EMILIN1: variants seen among roughly 807,000 people sequenced by gnomAD.
The protein encoded by EMILIN1 is elastin microfibril interfacer 1.
Under a neutral mutation model 82.4 loss-of-function variants are expected in EMILIN1, and 49 were observed. That is an observed-to-expected ratio of 0.59 (90% CI 0.47 to 0.75). The LOEUF (loss-of-function observed/expected upper bound fraction) is 0.75. EMILIN1 is among the 30% of genes least tolerant of loss of function. EMILIN1 has a pLI of 0.00. For missense variants in EMILIN1, 1,313 were observed against 1,366.4 expected (o/e 0.96, Z 0.62); for synonymous variants, 604 against 602.2 (o/e 1.00, Z -0.04).
At position 27,085,197 on chromosome 2, in the gene EMILIN1, G is replaced by A. The variant is rs1407466196; in HGVS notation, c.2613G>A (p.Val871=). ...CACCAGCAGCCCCTGTGCCCCAAGT[G>A]GCATTTTCAGCTGCTCTGAGTTTGC... ...EGAPAAPVPQ[V]AFSAALSLPR... Residue 871 remains valine, a synonymous_variant, in exon 7 of 8, where the codon GTG becomes GTA. Coordinates refer to ENST00000380320, the MANE Select transcript of EMILIN1 (RefSeq NM_007046.4). 6.2e-7 allele frequency: 1 copy of A among 1,614,186 alleles called. No homozygotes were observed. Among genetic ancestry groups the A allele is most frequent in the Non-Finnish European group, 8.5e-7 (1 of 1,180,036 alleles).
Position 27,085,741 on chromosome 2 carries a change from A to G in EMILIN1, c.2777A>G (p.His926Arg). The G allele has an allele frequency of 1.9e-6, 3 of 1,610,780 alleles. No homozygotes were observed. The highest frequency in any genetic ancestry group is 2.2e-5 in the East Asian group (1 of 44,786). ...LLSAVLTGHR[H>R]EKVEAVLSRS... ...AGCGCGGTGCTGACTGGGCACCGGC[A>G]CGAGAAAGTGGAGGCCGTGCTGTCC... Residue 926 changes from histidine to arginine, a missense_variant, in exon 8 of 8, where the codon CAC (histidine) becomes CGC (arginine). His to Arg is a conservative substitution (Grantham distance 29). Transcript: ENST00000380320.
At chr2:27,079,884 G>C (rs908722699) in intron 1 of EMILIN1, among the ~76,000 whole-genome samples, 2 of 152,214 alleles carry the variant, frequency 1.3e-5, no homozygotes, top group African/African-American at 2.4e-5. Flanking sequence ...ACATTCAGAG[G>C]CTCCCCGGGA....
Position 27,085,415 on chromosome 2 carries a change from C to CCCGG in EMILIN1, c.2713+120_2713+123dup, listed in dbSNP as rs1669589306. On this transcript the variant is annotated intron_variant, in intron 7 of 7. Transcript: ENST00000380320. ...TCTTCATTCTCTGATTTGGGGAGACCCCGGCTCTTTCTTCATTTATTCATT... is the reference window on the plus strand; with the variant it reads ...TCTTCATTCTCTGATTTGGGGAGACCCCGGCCGGCTCTTTCTTCATTTATTCATT... 11 of 1,286,544 alleles carry CCCGG rather than the reference C, an allele frequency of 8.6e-6. No homozygotes were observed. The Middle Eastern group carries it at 1.2e-3, about 144-fold the overall frequency. The allele number at this position is 1,286,544 out of a possible 1,614,324, so 79.7% of individuals were successfully genotyped here.
chr2:27,084,941 C>G, intron 5 of EMILIN1, 50 bp from the exon 6 acceptor site: 1 of 1,587,660 alleles, frequency 6.3e-7, no homozygotes, highest in Non-Finnish European at 8.7e-7. Flanking sequence ...TGCTGAGTGA[C>G]TTAGTGAGAG....
At position 27,078,959 on chromosome 2, in the gene EMILIN1, G is replaced by T. The variant is rs766952369; in HGVS notation, c.-107G>T. ...CTATCAGAAGGAAACTGGGACGGAC[G>T]GGCCGGGCTCGGGCTGTCCTGTGGA... On this transcript the variant is annotated 5_prime_UTR_variant, in exon 1 of 8. Transcript: ENST00000380320. The T allele has an allele frequency of 1.9e-5, 16 of 860,610 alleles. No homozygotes were observed. The highest frequency in any genetic ancestry group is 1.8e-5 in the Non-Finnish European group (11 of 597,294). The allele number at this position is 860,610 out of a possible 1,614,324, so 53.3% of individuals were successfully genotyped here.
At position 27,079,139 on chromosome 2, in the gene EMILIN1, C is replaced by A; in HGVS notation, c.74C>A (p.Pro25His). Residue 25 changes from proline to histidine, a missense_variant, in exon 1 of 8, where the codon CCT (proline) becomes CAT (histidine). Transcript: ENST00000380320. The stretch of plus-strand genomic sequence containing the variant: ...GCAGCTGCAGGGGCCGCCAGCTACC[C>A]TCCTCGAGGTTTCAGCCTCTACACA... Reference protein sequence around the residue: ...LTAAAGAASYPPRGFSLYTGS... With the variant: ...LTAAAGAASYHPRGFSLYTGS... 6.2e-7 allele frequency: 1 copy of A among 1,604,380 alleles called. No individual in the cohort carries two copies. Among genetic ancestry groups the A allele is most frequent in the Non-Finnish European group, 8.5e-7 (1 of 1,175,814 alleles).
rs745574693 is a variant in EMILIN1, at chr2:27,082,421, C to T, written c.850C>T (p.Pro284Ser). ...SRAPAPASAP[P>S]GPSEELLRQL... ...GGCCCCAGCCCCAGCCTCAGCCCCT[C>T]CGGGCCCCAGTGAGGAGCTGCTGCG... Residue 284 changes from proline (P) to serine (S), a missense_variant, in exon 4 of 8, where the codon CCG (proline) becomes TCG (serine). Pro to Ser is a moderately conservative substitution (Grantham distance 74). Coordinates refer to ENST00000380320, the MANE Select transcript of EMILIN1 (RefSeq NM_007046.4). 1.9e-6 allele frequency: 3 copies of T among 1,603,490 alleles called. No homozygotes were observed. The African/African-American group carries it at 4.0e-5, about 21-fold the overall frequency.
chr2:27,083,975 G>A lies in EMILIN1; in HGVS notation c.2404G>A (p.Asp802Asn). Residue 802 changes from aspartate to asparagine, a missense_variant, in exon 4 of 8, where the codon GAC (aspartate) becomes AAC (asparagine). Physicochemically the swap from Asp to Asn is conservative, Grantham distance 23. Coordinates refer to ENST00000380320, the MANE Select transcript of EMILIN1 (RefSeq NM_007046.4). ...ALNSSLQLLE[D>N]RLHQLSLKDL... is the part of the protein sequence containing the mutation. ...TAACAGCTCCCTGCAGCTCCTGGAG[G>A]ACCGTCTGCACCAGCTCAGCCTGAA... 10 of 1,547,484 alleles carry A rather than the reference G, an allele frequency of 6.5e-6. No homozygotes were observed. The highest frequency in any genetic ancestry group is 8.7e-6 in the Non-Finnish European group (10 of 1,142,946).
In EMILIN1 at chr2:27,079,058, GC is replaced by G; in HGVS notation, c.-4del. ...GAGTCTCTGAGGGCCACTGTGGAGCGCCCCGCCATGGCCCCCCGCACCCTCT... is the reference window on the plus strand; with the variant it reads ...GAGTCTCTGAGGGCCACTGTGGAGCGCCCGCCATGGCCCCCCGCACCCTCT... On this transcript the variant is annotated 5_prime_UTR_variant, in exon 1 of 8. Coordinates refer to ENST00000380320, the MANE Select transcript of EMILIN1 (RefSeq NM_007046.4). 6.5e-7 allele frequency: 1 copy of G among 1,543,356 alleles called. No individual in the cohort carries two copies.
In EMILIN1 at chr2:27,082,286, G is replaced by A. The variant is rs1357990445; in HGVS notation, c.715G>A (p.Glu239Lys). The A allele has an allele frequency of 8.7e-6, 14 of 1,613,210 alleles. No homozygotes were observed. Among genetic ancestry groups the A allele is most frequent in the Non-Finnish European group, 1.2e-5 (14 of 1,179,952 alleles). The change falls in exon 4 of 8, where the codon GAG becomes AAG. Residue 239 changes from glutamate (E) to lysine (K), a missense_variant. Transcript: ENST00000380320. The part of the protein sequence containing the change: ...ARPGVHETLN[E>K]IQHQLQLLDT... ...CCCTGGGGTGCATGAAACCCTCAAT[G>A]AGATCCAGCACCAGCTGCAGCTCCT...
chr2:27,080,895 C>A lies in EMILIN1; in HGVS notation c.454C>A (p.Arg152Ser), dbSNP rs1221738236. ...STPRPLARPA[R>S]PNLSGSSAGS... is the part of the protein sequence containing the mutation. ...ACCACGGCCCCTGGCCCGGCCTGCC[C>A]GCCCCAACCTCTCTGGCTCCAGTGC... Residue 152 changes from arginine to serine, a missense_variant, in exon 3 of 8, where the codon CGC becomes AGC. Arg to Ser is a moderately radical substitution (Grantham distance 110). Transcript: ENST00000380320. 1 of 1,607,272 alleles carries A rather than the reference C, an allele frequency of 6.2e-7. No individual in the cohort carries two copies. The highest frequency in any genetic ancestry group is 8.5e-7 in the Non-Finnish European group (1 of 1,177,238).
At chr2:27,080,698 G>A in intron 2 of EMILIN1, 34 bp from the exon 3 acceptor site, 1 of 1,568,088 alleles carries the variant, frequency 6.4e-7, no homozygotes, top group South Asian at 1.2e-5. Flanking sequence ...ACCGTACAGG[G>A]AGGAATAAAG....
Position 27,085,737 on chromosome 2 carries a change from C to T in EMILIN1, c.2773C>T (p.Arg925Trp). The T allele has an allele frequency of 2.5e-6, 4 of 1,610,346 alleles. No individual in the cohort carries two copies. Among genetic ancestry groups the T allele is most frequent in the South Asian group, 1.1e-5 (1 of 91,026 alleles). ...GCTGAGCGCGGTGCTGACTGGGCACCGGCACGAGAAAGTGGAGGCCGTGCT... is the reference window on the plus strand; with the variant it reads ...GCTGAGCGCGGTGCTGACTGGGCACTGGCACGAGAAAGTGGAGGCCGTGCT... ...YLLSAVLTGH[R>W]HEKVEAVLSR... Residue 925 changes from arginine (R) to tryptophan (W), a missense_variant, in exon 8 of 8, where the codon CGG (arginine) becomes TGG (tryptophan). Arg to Trp is a moderately radical substitution (Grantham distance 101, BLOSUM62 -3). Transcript: ENST00000380320.
At position 27,083,098 on chromosome 2, in the gene EMILIN1, G is replaced by T; in HGVS notation, c.1527G>T (p.Gly509=). 6.4e-7 allele frequency: 1 copy of T among 1,561,304 alleles called. No homozygotes were observed. Among genetic ancestry groups the T allele is most frequent in the South Asian group, 1.2e-5 (1 of 82,392 alleles). ...AGCGCAGGGTGCTGGACAGTGAGGGGCAGCTGCGGCTGGTGGGCTCCGGCC... is the reference window on the plus strand; with the variant it reads ...AGCGCAGGGTGCTGGACAGTGAGGGTCAGCTGCGGCTGGTGGGCTCCGGCC... ...ALERRVLDSE[G]QLRLVGSGLH... The change falls in exon 4 of 8, where the codon GGG becomes GGT. Residue 509 remains glycine, a synonymous_variant. Transcript: ENST00000380320.
Position 27,082,898 on chromosome 2 carries a change from C to T in EMILIN1, c.1327C>T (p.Arg443Trp), listed in dbSNP as rs763045645. Residue 443 changes from arginine (R) to tryptophan (W), a missense_variant, in exon 4 of 8, where the codon CGG becomes TGG. Coordinates refer to ENST00000380320, the MANE Select transcript of EMILIN1 (RefSeq NM_007046.4). ...GGLSHWLPAA[R>W]GRLEQLGGLL... ...GCTGAGCCACTGGCTGCCTGCTGCC[C>T]GGGGCCGACTAGAGCAGTTGGGGGG... 1.6e-5 allele frequency: 25 copies of T among 1,595,382 alleles called. No individual in the cohort carries two copies. The highest frequency in any genetic ancestry group is 4.5e-5 in the East Asian group (2 of 44,650).
In EMILIN1 at chr2:27,082,638, C is replaced by T; in HGVS notation, c.1067C>T (p.Pro356Leu). Residue 356 changes from proline to leucine, a missense_variant, in exon 4 of 8, where the codon CCA (proline) becomes CTA (leucine). Coordinates refer to ENST00000380320, the MANE Select transcript of EMILIN1 (RefSeq NM_007046.4). ...AGGCCCCCTCAGGAATGCTGCTCTCCAGAGCTGGGCCGGCGACTGGCAGAG... is the reference window on the plus strand; with the variant it reads ...AGGCCCCCTCAGGAATGCTGCTCTCTAGAGCTGGGCCGGCGACTGGCAGAG... ...GRRPPQECCSPELGRRLAELE... is the reference protein window; with the variant it reads ...GRRPPQECCSLELGRRLAELE... 1.3e-6 allele frequency: 2 copies of T among 1,546,594 alleles called. No individual in the cohort carries two copies. Among genetic ancestry groups the T allele is most frequent in the South Asian group, 1.2e-5 (1 of 84,458 alleles).
rs563926619 is a variant in EMILIN1, at chr2:27,083,106, G to A, written c.1535G>A (p.Arg512Gln). ...RRVLDSEGQL[R>Q]LVGSGLHTVE... is the part of the protein sequence containing the mutation. Reference sequence around the variant, plus strand: ...GTGCTGGACAGTGAGGGGCAGCTGCGGCTGGTGGGCTCCGGCCTGCACACG... The same window carrying A: ...GTGCTGGACAGTGAGGGGCAGCTGCAGCTGGTGGGCTCCGGCCTGCACACG... The change falls in exon 4 of 8, where the codon CGG becomes CAG. Residue 512 changes from arginine (R) to glutamine (Q), a missense_variant. Transcript: ENST00000380320. The A allele has an allele frequency of 1.9e-5, 29 of 1,563,588 alleles. No homozygotes were observed. The highest frequency in any genetic ancestry group is 3.6e-4 in the Middle Eastern group (2 of 5,508).
intron 6 of EMILIN1, 67 bp from the exon 7 acceptor site, chr2:27,085,093 C>G: frequency 6.2e-7 from 1 of 1,613,102 alleles, no homozygotes; most frequent in South Asian, 1.1e-5. Context: ...GGCTGGGGAT[C>G]CAGCAGGGGA....
At chr2:27,084,571 C>T (rs1353835964) in intron 5 of EMILIN1, 40 bp downstream of exon 5, 10 of 1,301,776 alleles carry the variant, frequency 7.7e-6, no homozygotes, top group Admixed American at 1.7e-5. Flanking sequence ...AGGGTTGCCA[C>T]TGCCCCCTCC....
Sources: allele counts gnomAD v4.1 joint callset (sites outside exome capture counted in the v4.1 genomes callset), GRCh38; gene constraint gnomAD v4.1.1; transcripts MANE v1.5; gene names NCBI Gene and HGNC (gene_info 2026-07-23, HGNC 2026-07-21).